Variants in CPEB3 observed in about 807,000 individuals in gnomAD.
The protein encoded by CPEB3 is cytoplasmic polyadenylation element binding protein 3, also known as cytoplasmic polyadenylation element-binding protein 3.
In CPEB3, 20 loss-of-function variants were observed where a neutral mutation model predicts 67.2. The observed-to-expected ratio is 0.30, with a 90% CI of 0.21 to 0.43. The LOEUF (loss-of-function observed/expected upper bound fraction) is 0.43, where lower values mean the gene tolerates loss of function less well. Among genes scored for constraint, CPEB3 ranks in the 20% least tolerant of loss-of-function variants. CPEB3 has a pLI of 1.00. For synonymous variants in CPEB3, 376 were observed against 393.1 expected, an observed-to-expected ratio of 0.96 and a Z score of 0.51; for missense variants, 746 against 968.6, an observed-to-expected ratio of 0.77 and a Z score of 3.05.
intron 3 of CPEB3, 38 bp from the exon 4 acceptor site, chr10:92,181,057 A>AC: frequency 9.1e-7 from 1 of 1,094,160 alleles, no homozygotes; most frequent in South Asian, 1.3e-5. Context: ...AAGAATGTTT[A>AC]ATGTAATCAT....
chr10:92,254,274 G>A (rs1852427363), intron 1 of CPEB3, among the ~76,000 whole-genome samples: 1 of 151,744 alleles, frequency 6.6e-6, no homozygotes, highest in Non-Finnish European at 1.5e-5. Context: ...AGAGCTCACA[G>A]TCTAAGAAAA....
At chr10:92,199,072 G>T (rs569509725) in intron 2 of CPEB3, among the ~76,000 whole-genome samples, 25 of 152,292 alleles carry the variant, frequency 1.6e-4, no homozygotes, top group South Asian at 2.1e-4. Context: ...AAAACATTCC[G>T]AAGTTAAATG....
intron 4 of CPEB3, among the ~76,000 whole-genome samples, chr10:92,176,432 A>G (rs1229316147): frequency 6.6e-6 from 1 of 152,226 alleles, no homozygotes; most frequent in Non-Finnish European, 1.5e-5. Context: ...TAAAGAGGGA[A>G]TGGGATCTAC....
At chr10:92,157,751 T>C (rs937068864) in intron 4 of CPEB3, among the ~76,000 whole-genome samples, 1 of 152,184 alleles carries the variant, frequency 6.6e-6, no homozygotes, top group Admixed American at 6.5e-5. Context: ...AAAATATATA[T>C]GTTTGGCCTT....
At chr10:92,243,654 G>A (rs1382222942) in intron 1 of CPEB3, among the ~76,000 whole-genome samples, 1 of 152,088 alleles carries the variant, frequency 6.6e-6, no homozygotes, top group Non-Finnish European at 1.5e-5. Context: ...AATAGGCAAG[G>A]GAGGGGGAAC....
intron 2 of CPEB3, among the ~76,000 whole-genome samples, chr10:92,211,686 G>A (rs796829484): frequency 1.2e-4 from 18 of 151,214 alleles, no homozygotes; most frequent in African/African-American, 3.9e-4. Context: ...ACAGGAGCCC[G>A]CCACCACACC....
At chr10:92,195,751 T>C (rs923933988) in intron 2 of CPEB3, among the ~76,000 whole-genome samples, 5 of 152,210 alleles carry the variant, frequency 3.3e-5, no homozygotes, top group African/African-American at 7.2e-5. Context: ...CATTTAATTA[T>C]TGATAATCCC....
intron 1 of CPEB3, among the ~76,000 whole-genome samples, chr10:92,289,732 A>AAAAAAAAAAAAAAAAATAAAT: frequency 2.6e-5 from 2 of 75,772 alleles, no homozygotes; most frequent in Non-Finnish European, 5.1e-5. Context: ...AAAAAAAAAA[A>AAAAAAAAAAAAAAAAATAAAT]ATATATATAT....
At chr10:92,105,273 C>T (rs1016040545) in intron 7 of CPEB3, among the ~76,000 whole-genome samples, 1 of 152,158 alleles carries the variant, frequency 6.6e-6, no homozygotes, top group East Asian at 1.9e-4. Context: ...AATGAAATAC[C>T]TGTAGTAAAC....
intron 2 of CPEB3, among the ~76,000 whole-genome samples, chr10:92,226,947 C>A (rs1267078371): frequency 1.3e-5 from 2 of 152,148 alleles, no homozygotes; most frequent in African/African-American, 2.4e-5. Flanking sequence ...GCAGCGCCTC[C>A]TGACTGAGCC....
In CPEB3 at chr10:92,075,595, C is replaced by T. The variant is rs114669693; in HGVS notation, c.1869+5725G>A. Among the ~76,000 whole-genome samples the T allele has an allele frequency of 5.7e-3, 869 of 152,212 alleles. 5 individuals are homozygous for T. The highest frequency in any genetic ancestry group is 0.02 in the African/African-American group (825 of 41,516). On this transcript the variant is annotated intron_variant, in intron 9 of 9. Transcript: ENST00000265997. ...CTGTTACAAACAACAACAAAAACAC[C>T]TCTTCCTTAAAGACCATGAGATTAT...
chr10:92,069,732 A>G (rs1024050577), intron 9 of CPEB3, among the ~76,000 whole-genome samples: 2 of 152,194 alleles, frequency 1.3e-5, no homozygotes, highest in Admixed American at 6.5e-5. Flanking sequence ...AAAGTATTAG[A>G]AAGTCCAAAA....
chr10:92,162,581 C>A (rs2133960576), intron 4 of CPEB3, among the ~76,000 whole-genome samples: 1 of 152,116 alleles, frequency 6.6e-6, no homozygotes, highest in African/African-American at 2.4e-5. Context: ...TATTTCCAAT[C>A]CATCAGAATA....
chr10:92,187,141 T>C (rs1848730710), intron 3 of CPEB3, among the ~76,000 whole-genome samples: 2 of 152,176 alleles, frequency 1.3e-5, no homozygotes, highest in African/African-American at 4.8e-5. Flanking sequence ...TAAATTTAAA[T>C]TGTGATGAAT....
At chr10:92,085,390 C>T (rs1843329126) in intron 8 of CPEB3, among the ~76,000 whole-genome samples, 1 of 152,128 alleles carries the variant, frequency 6.6e-6, no homozygotes, top group African/African-American at 2.4e-5. Flanking sequence ...GTCTCATGAA[C>T]AACTTCCATG....
intron 9 of CPEB3, 77 bp downstream of exon 9, chr10:92,081,243 G>A: frequency 6.8e-7 from 1 of 1,473,956 alleles, no homozygotes; most frequent in Non-Finnish European, 9.5e-7. Flanking sequence ...TGATCATAAG[G>A]TGCCTTTCTT....
chr10:92,223,993 C>T (rs1850840361), intron 2 of CPEB3, among the ~76,000 whole-genome samples: 1 of 152,160 alleles, frequency 6.6e-6, no homozygotes, highest in African/African-American at 2.4e-5. Flanking sequence ...TCTCCAACTC[C>T]TGACCTTGTG....
intron 8 of CPEB3, among the ~76,000 whole-genome samples, chr10:92,084,400 T>C (rs1285585766): frequency 6.6e-6 from 1 of 152,110 alleles, no homozygotes; most frequent in Non-Finnish European, 1.5e-5. Flanking sequence ...TATATGTAGT[T>C]GCTTTTTTGG....
At chr10:92,135,197 CA>C (rs1590212732) in intron 6 of CPEB3, among the ~76,000 whole-genome samples, 3 of 152,076 alleles carry the variant, frequency 2.0e-5, no homozygotes, top group Non-Finnish European at 4.4e-5. Context: ...TTCTGCACAG[CA>C]AAAGAAACTA....
Sources: allele counts gnomAD v4.1 joint callset (sites outside exome capture counted in the v4.1 genomes callset), GRCh38; gene constraint gnomAD v4.1.1; transcripts MANE v1.5; gene names NCBI Gene and HGNC (gene_info 2026-07-23, HGNC 2026-07-21).